The following SCUBE1 variants were observed in gnomAD, a reference collection of about 807,000 sequenced individuals.
SCUBE1 encodes the protein signal peptide, CUB and EGF-like domain-containing protein 1.
In SCUBE1, 59 loss-of-function variants were observed where a neutral mutation model predicts 124.4. The observed-to-expected ratio is 0.47, with a 90% CI of 0.38 to 0.59. The LOEUF is 0.59. Ranked by LOEUF, SCUBE1 falls within the 20% of genes least tolerant of loss-of-function variation. The pLI is 0.00. For synonymous variants in SCUBE1, 545 were observed against 550.9 expected, an observed-to-expected ratio of 0.99 and a Z score of 0.15; for missense variants, 1,150 against 1,371.2, an observed-to-expected ratio of 0.84 and a Z score of 2.55.
At chr22:43,250,200 C>T (rs1923384963) in intron 6 of SCUBE1, among the ~76,000 whole-genome samples, 1 of 152,224 alleles carries the variant, frequency 6.6e-6, no homozygotes, top group Admixed American at 6.5e-5. Context: ...TGCTCCATGA[C>T]CGAAGCTTTT....
rs569451963 is a variant in SCUBE1, at chr22:43,298,331, T to C, written c.350-7151A>G. On this transcript the variant is annotated intron_variant, in intron 3 of 21. Coordinates refer to ENST00000360835, the MANE Select transcript of SCUBE1 (RefSeq NM_173050.5). ...CCTGGTCTGGGCATCAGCTGAGGTC[T>C]TCCCTGGGGCTCCTGATTCCCCAGC... Among the ~76,000 whole-genome samples the C allele has an allele frequency of 2.0e-5, 3 of 152,316 alleles. No homozygotes were observed. The East Asian group carries it at 5.8e-4, about 29-fold the overall frequency.
At position 43,343,357 on chromosome 22, in the gene SCUBE1, C is replaced by G; in HGVS notation, c.-96G>C. ...AGGCGCTGCTCGCTGCTCGCCGCTC[C>G]GCCACCGCTCGGGCTCCCGAGCCGC... On this transcript the variant is annotated 5_prime_UTR_variant, in exon 1 of 22. Transcript: ENST00000360835. The G allele has an allele frequency of 1.9e-6, 1 of 522,132 alleles. No homozygotes were observed. The highest frequency in any genetic ancestry group is 2.5e-6 in the Non-Finnish European group (1 of 395,922). The allele number at this position is 522,132 out of a possible 1,614,324, so 32.3% of individuals were successfully genotyped here.
chr22:43,315,941 G>T (rs1473238267), intron 3 of SCUBE1, among the ~76,000 whole-genome samples: 1 of 152,194 alleles, frequency 6.6e-6, no homozygotes, highest in Non-Finnish European at 1.5e-5. Flanking sequence ...CAAACAGGTG[G>T]TTCTGCACAG....
chr22:43,249,359 G>A (rs1923348259), intron 6 of SCUBE1, among the ~76,000 whole-genome samples: 2 of 152,098 alleles, frequency 1.3e-5, no homozygotes, highest in South Asian at 4.1e-4. Flanking sequence ...AGCTAGCGGG[G>A]AGAAGCAGGA....
intron 6 of SCUBE1, among the ~76,000 whole-genome samples, chr22:43,243,732 C>G (rs1923096764): frequency 6.6e-6 from 1 of 152,222 alleles, no homozygotes; most frequent in African/African-American, 2.4e-5. Flanking sequence ...CTTGGCTTCT[C>G]AAAGTCAGCT....
chr22:43,337,966 T>G (rs1927139496), intron 2 of SCUBE1, among the ~76,000 whole-genome samples: 1 of 152,204 alleles, frequency 6.6e-6, no homozygotes, highest in East Asian at 1.9e-4. Flanking sequence ...CATATCACTG[T>G]GAACATGGGA....
At chr22:43,300,180 GC>G (rs1325303196) in intron 3 of SCUBE1, among the ~76,000 whole-genome samples, 2 of 152,078 alleles carry the variant, frequency 1.3e-5, no homozygotes, top group Non-Finnish European at 2.9e-5. Context: ...CTCCATGTGT[GC>G]CCTTTTTGAG....
rs538847531 is a variant in SCUBE1 at position 43,238,531 on chromosome 22, AC to A, written c.844+306del. 11 of 590,868 alleles carry A rather than the reference AC, an allele frequency of 1.9e-5. No homozygotes were observed. In the African/African-American group the frequency reaches 2.0e-4, roughly 11 times the overall value. The allele number at this position is 590,868 out of a possible 1,614,324, so 36.6% of individuals were successfully genotyped here. A position where few individuals can be genotyped will look rare whatever the true frequency, so the allele number is the denominator to read the frequency against. On this transcript the variant is annotated intron_variant, in intron 7 of 21. Coordinates refer to ENST00000360835, the MANE Select transcript of SCUBE1 (RefSeq NM_173050.5). ...GGGCCCAGGAAGTCCCACAGTAGAG[AC>A]GCTGGCTTAACTGTTTAACCCAGCG... is the stretch of plus-strand genomic sequence containing the variant.
chr22:43,315,221 A>G lies in SCUBE1; in HGVS notation c.349+4716T>C, dbSNP rs530383485. On this transcript the variant is annotated intron_variant, in intron 3 of 21. Transcript: ENST00000360835. ...TACATCTGTACACAAGCTCTGCACA[A>G]TCTCCTTTCAGATTTAATCATGACA... Among the ~76,000 whole-genome samples, 5 of 152,146 alleles carry G rather than the reference A, an allele frequency of 3.3e-5. No individual in the cohort carries two copies. The South Asian group carries it at 8.3e-4, about 25-fold the overall frequency.
rs535226630 is a variant in SCUBE1, at chr22:43,323,784, C to G, written c.221-3719G>C. ...CCAAACTTCTATTAACTCACTGATT[C>G]CTTCAAATATCCCTCCAAACAGCTT... On this transcript the variant is annotated intron_variant, in intron 2 of 21. Coordinates refer to ENST00000360835, the MANE Select transcript of SCUBE1 (RefSeq NM_173050.5). Among the ~76,000 whole-genome samples, 5 of 152,270 alleles carry G rather than the reference C, an allele frequency of 3.3e-5. No homozygotes were observed. The East Asian group carries it at 9.6e-4, about 29-fold the overall frequency.
At chr22:43,284,577 C>T (rs1052368592) in intron 4 of SCUBE1, among the ~76,000 whole-genome samples, 2 of 152,226 alleles carry the variant, frequency 1.3e-5, no homozygotes, top group Non-Finnish European at 2.9e-5. Flanking sequence ...ATTGGCAGAC[C>T]TCCAATCCCC....
intron 6 of SCUBE1, among the ~76,000 whole-genome samples, chr22:43,241,356 C>G (rs1027124139): frequency 6.6e-6 from 1 of 152,112 alleles, no homozygotes; most frequent in Admixed American, 6.5e-5. Context: ...CTCCCAGCCT[C>G]GTGGCTCCTG....
intron 3 of SCUBE1, among the ~76,000 whole-genome samples, chr22:43,293,131 A>C (rs1925432147): frequency 6.6e-6 from 1 of 152,188 alleles, no homozygotes; most frequent in Non-Finnish European, 1.5e-5. Context: ...AGCCTCAGCC[A>C]TGTCTGCCCC....
At chr22:43,207,923 G>T in intron 20 of SCUBE1, 149 bp downstream of exon 20, 1 of 933,018 alleles carries the variant, frequency 1.1e-6, no homozygotes, top group Non-Finnish European at 1.7e-6. Flanking sequence ...AGCCTGTCTG[G>T]CTCTGGCCCC....
intron 3 of SCUBE1, among the ~76,000 whole-genome samples, chr22:43,291,572 C>G (rs74382305): frequency 6.6e-6 from 1 of 151,694 alleles, no homozygotes; most frequent in African/African-American, 2.4e-5. Flanking sequence ...GGGCCCCCAT[C>G]GCGCTGCACT....
At chr22:43,331,871 G>A (rs895279801) in intron 2 of SCUBE1, among the ~76,000 whole-genome samples, 3 of 152,210 alleles carry the variant, frequency 2.0e-5, no homozygotes, top group African/African-American at 7.2e-5. Flanking sequence ...ATGAGCCGGG[G>A]ATGAACACGC....
intron 3 of SCUBE1, among the ~76,000 whole-genome samples, chr22:43,304,149 C>T (rs538365685): frequency 1.3e-5 from 2 of 152,234 alleles, no homozygotes; most frequent in South Asian, 4.1e-4. Context: ...TCTCATGACT[C>T]CCTGAAGACC....
rs1920956340 is a variant in SCUBE1 at position 43,198,332 on chromosome 22, T to A, written c.*5665A>T. Reference sequence around the variant, plus strand: ...GGGGACTGGAGAGGCCTTGAGGCCATCGCAGCAGATGCTGGGAGGGCACGC... The same window carrying A: ...GGGGACTGGAGAGGCCTTGAGGCCAACGCAGCAGATGCTGGGAGGGCACGC... On this transcript the variant is annotated 3_prime_UTR_variant, in exon 22 of 22. Coordinates refer to ENST00000360835, the MANE Select transcript of SCUBE1 (RefSeq NM_173050.5). The A allele has an allele frequency of 2.8e-6, 1 of 358,912 alleles. No individual in the cohort carries two copies. The highest frequency in any genetic ancestry group is 5.5e-6 in the Non-Finnish European group (1 of 180,906). 22.2% of individuals were successfully genotyped at this position (358,912 alleles called of 1,614,324 possible).
chr22:43,263,951 G>A (rs1012461601), intron 4 of SCUBE1, among the ~76,000 whole-genome samples: 4 of 152,202 alleles, frequency 2.6e-5, no homozygotes, highest in African/African-American at 4.8e-5. Flanking sequence ...CCGCTGGCTC[G>A]ATTCCAAAAC....
Sources: allele counts gnomAD v4.1 joint callset (sites outside exome capture counted in the v4.1 genomes callset), GRCh38; gene constraint gnomAD v4.1.1; transcripts MANE v1.5; gene names NCBI Gene and HGNC (gene_info 2026-07-23, HGNC 2026-07-21).